The following TBC1D8 variants were observed in gnomAD, a reference collection of about 807,000 sequenced individuals.
The protein encoded by TBC1D8 is TBC1 domain family member 8.
Under a neutral mutation model 118.8 loss-of-function variants are expected in TBC1D8, and 65 were observed. That is an observed-to-expected ratio of 0.55 (90% CI 0.45 to 0.67). TBC1D8 has a LOEUF of 0.67. TBC1D8 is among the 30% of genes least tolerant of loss of function. The pLI is 0.00. For synonymous variants in TBC1D8, 566 were observed against 595.8 expected, an observed-to-expected ratio of 0.95 and a Z score of 0.73; for missense variants, 1,376 against 1,471.2, an observed-to-expected ratio of 0.94 and a Z score of 1.06.
chr2:101,035,885 TG>T, intron 9 of TBC1D8, 132 bp downstream of exon 9: 1 of 1,103,284 alleles, frequency 9.1e-7, no homozygotes, highest in Non-Finnish European at 1.3e-6. Context: ...AGTCCTCAGC[TG>T]GGAAATCACA....
At chr2:101,127,610 T>C (rs1190639174) in intron 1 of TBC1D8, among the ~76,000 whole-genome samples, 2 of 152,086 alleles carry the variant, frequency 1.3e-5, no homozygotes, top group African/African-American at 4.8e-5. Flanking sequence ...CAATCACAGC[T>C]CACTACAGAC....
intron 1 of TBC1D8, among the ~76,000 whole-genome samples, chr2:101,134,276 T>C (rs2104263984): frequency 6.6e-6 from 1 of 151,714 alleles, no homozygotes; most frequent in African/African-American, 2.4e-5. Context: ...GATGCTAACC[T>C]CTGGGGCCTC....
Position 101,146,549 on chromosome 2 carries a change from T to G in TBC1D8, c.127+4578A>C, listed in dbSNP as rs185606683. Among the ~76,000 whole-genome samples the G allele has an allele frequency of 3.9e-5, 6 of 152,352 alleles. No homozygotes were observed. In the East Asian group the frequency reaches 9.6e-4, roughly 24 times the overall value. On this transcript the variant is annotated intron_variant, in intron 1 of 19. Transcript: ENST00000409318. ...AGAGGACACAGCTGGGTGGTGATAT[T>G]TGTTATTTAGAGTAATGTTTATTCC...
intron 5 of TBC1D8, among the ~76,000 whole-genome samples, chr2:101,043,436 G>A (rs1205962683): frequency 1.3e-5 from 2 of 152,216 alleles, no homozygotes; most frequent in African/African-American, 4.8e-5. Flanking sequence ...CTCCCTGCAC[G>A]TATCTCACAA....
chr2:101,024,830 G>A (rs1028697955), intron 15 of TBC1D8, among the ~76,000 whole-genome samples: 3 of 152,122 alleles, frequency 2.0e-5, no homozygotes, highest in Non-Finnish European at 4.4e-5. Context: ...GCAGCACTGG[G>A]GTCCAGGAAA....
intron 1 of TBC1D8, among the ~76,000 whole-genome samples, chr2:101,103,286 A>G (rs565155971): frequency 2.8e-4 from 42 of 150,464 alleles, no homozygotes; most frequent in African/African-American, 6.1e-4. Context: ...TACACAAAAA[A>G]TGTTGACAAA....
At chr2:101,094,087 TA>T (rs1439366332) in intron 1 of TBC1D8, among the ~76,000 whole-genome samples, 1 of 152,094 alleles carries the variant, frequency 6.6e-6, no homozygotes, top group Non-Finnish European at 1.5e-5. Flanking sequence ...ATCCAGGCTA[TA>T]ACACACCCCA....
Position 101,038,449 on chromosome 2 carries a change from G to A in TBC1D8, c.1275+12C>T, listed in dbSNP as rs1681167808. Reference sequence around the variant, plus strand: ...TGAAGAAGGGGATCATCAGGGTCTGGAGGGACCATACCATGTCATCATCCG... The same window carrying A: ...TGAAGAAGGGGATCATCAGGGTCTGAAGGGACCATACCATGTCATCATCCG... On this transcript the variant is annotated intron_variant, in intron 7 of 19. Coordinates refer to ENST00000409318, the MANE Select transcript of TBC1D8 (RefSeq NM_001330348.2). 4.3e-6 allele frequency: 7 copies of A among 1,612,124 alleles called. No individual in the cohort carries two copies. The highest frequency in any genetic ancestry group is 5.9e-6 in the Non-Finnish European group (7 of 1,178,948).
chr2:101,011,150 C>T (rs1020833791), intron 18 of TBC1D8, 124 bp from the exon 19 acceptor site: 2 of 949,644 alleles, frequency 2.1e-6, no homozygotes, highest in African/African-American at 3.3e-5. Flanking sequence ...CCATACAAAA[C>T]TGGAAAGCAA....
chr2:101,090,425 G>A (rs943087945), intron 1 of TBC1D8, 61 bp from the exon 2 acceptor site: 108 of 1,574,200 alleles, frequency 6.9e-5, no homozygotes, highest in South Asian at 5.3e-4. Flanking sequence ...CTCCTCATGC[G>A]TGTGAGGCAT....
intron 12 of TBC1D8, among the ~76,000 whole-genome samples, 197 bp downstream of exon 12, chr2:101,029,294 C>G (rs559805340): frequency 2.0e-5 from 3 of 152,036 alleles, no homozygotes; most frequent in Non-Finnish European, 4.4e-5. Context: ...GAGACTGAGG[C>G]AGGAGAATCA....
intron 1 of TBC1D8, among the ~76,000 whole-genome samples, chr2:101,109,678 C>T (rs1677463241): frequency 6.6e-6 from 1 of 152,232 alleles, no homozygotes; most frequent in Non-Finnish European, 1.5e-5. Flanking sequence ...CACCACCTTT[C>T]CGCAGATGGG....
At chr2:101,034,142 C>T (rs970692999) in intron 9 of TBC1D8, among the ~76,000 whole-genome samples, 3 of 151,920 alleles carry the variant, frequency 2.0e-5, no homozygotes, top group African/African-American at 7.3e-5. Context: ...CCAGCCTGGG[C>T]GACAGAGTAA....
In TBC1D8 at chr2:101,027,424, T is replaced by A; in HGVS notation, c.2479A>T (p.Ile827Phe). The A allele has an allele frequency of 6.2e-7, 1 of 1,613,182 alleles. No individual in the cohort carries two copies. The highest frequency in any genetic ancestry group is 1.1e-5 in the South Asian group (1 of 91,054). Residue 827 changes from isoleucine to phenylalanine, a missense_variant, in exon 15 of 20, where the codon ATT (isoleucine) becomes TTT (phenylalanine). Coordinates refer to ENST00000409318, the MANE Select transcript of TBC1D8 (RefSeq NM_001330348.2). ...VLRVVIPEVS[I>F]LPEDLEELYD... The stretch of plus-strand genomic sequence containing the variant: ...AGCTCCTCTAGGTCTTCAGGAAGAA[T>A]TGAGACTTCCGGGATAACGACTCGA...
At chr2:101,022,045 GA>G (rs1473188078) in intron 16 of TBC1D8, among the ~76,000 whole-genome samples, 1 of 152,166 alleles carries the variant, frequency 6.6e-6, no homozygotes, top group Non-Finnish European at 1.5e-5. Flanking sequence ...GGATGCCAAG[GA>G]AAGCAAGGTG....
intron 1 of TBC1D8, 147 bp downstream of exon 1, chr2:101,150,980 G>C (rs1573128727): frequency 3.7e-6 from 2 of 539,034 alleles, no homozygotes; most frequent in African/African-American, 4.1e-5. Context: ...CAGAAAAAAG[G>C]AAAACAAGCC....
intron 2 of TBC1D8, among the ~76,000 whole-genome samples, chr2:101,079,786 C>T (rs1039207709): frequency 6.3e-5 from 9 of 143,164 alleles, no homozygotes; most frequent in South Asian, 2.5e-4. Flanking sequence ...CCCGGGTTCA[C>T]GCCATTCTCC....
chr2:101,118,423 A>C (rs185030310), intron 1 of TBC1D8, among the ~76,000 whole-genome samples: 2 of 152,166 alleles, frequency 1.3e-5, no homozygotes, highest in East Asian at 1.9e-4. Context: ...GTAGCCGGGC[A>C]CAGTGGCTCA....
intron 1 of TBC1D8, among the ~76,000 whole-genome samples, chr2:101,146,521 T>C (rs1332043199): frequency 6.6e-6 from 1 of 152,228 alleles, no homozygotes; most frequent in Non-Finnish European, 1.5e-5. Flanking sequence ...AATCAAATCC[T>C]TCAGAGGACA....
Sources: allele counts gnomAD v4.1 joint callset (sites outside exome capture counted in the v4.1 genomes callset), GRCh38; gene constraint gnomAD v4.1.1; transcripts MANE v1.5; gene names NCBI Gene and HGNC (gene_info 2026-07-23, HGNC 2026-07-21).